The following SNX20 variants were observed in gnomAD, a reference collection of about 807,000 sequenced individuals.
SNX20 encodes sorting nexin-20.
SNX20 carries 21 observed loss-of-function variants against 24.5 expected under a neutral mutation model. That is an observed-to-expected ratio of 0.86 (90% CI 0.61 to 1.23). The LOEUF (loss-of-function observed/expected upper bound fraction) is 1.23, where lower values mean the gene tolerates loss of function less well. SNX20 is among the 50% of genes most tolerant of loss of function. SNX20 has a pLI of 0.00. For synonymous variants in SNX20, 206 were observed against 192.8 expected (o/e 1.07, Z -0.57); for missense variants, 433 against 430.8 (o/e 1.00, Z -0.04).
At chr16:50,678,743 A>T (rs888599327) in intron 1 of SNX20, among the ~76,000 whole-genome samples, 4 of 152,190 alleles carry the variant, frequency 2.6e-5, no homozygotes, top group African/African-American at 9.7e-5. Context: ...GGATAAGTGG[A>T]AGGGATGACC....
At chr16:50,667,747 C>T, downstream of SNX20, 1 of 503,886 alleles carries the variant, frequency 2.0e-6, no homozygotes, top group Admixed American at 3.5e-5. Flanking sequence ...ATGGGGACAG[C>T]CACTAGAGAG....
At chr16:50,668,090 A>C, downstream of SNX20, 1 of 1,551,618 alleles carries the variant, frequency 6.4e-7, no homozygotes, top group South Asian at 1.2e-5. Context: ...AACCAGGCCC[A>C]CGACTTAGGA....
downstream of SNX20, chr16:50,668,766 A>G: frequency 8.4e-7 from 1 of 1,191,786 alleles, no homozygotes; most frequent in African/African-American, 1.6e-5. Flanking sequence ...GTTGGGAGCC[A>G]ACCTACCCCT....
chr16:50,672,201 C>A lies in SNX20; in HGVS notation c.*1205G>T, dbSNP rs957859126. ...ATCAGAGAAGTTCCAGGATCACAGA[C>A]CCTCAAAAGGGGCAGTGTTGAGGAT... On this transcript the variant is annotated 3_prime_UTR_variant, in exon 4 of 4. Coordinates refer to ENST00000330943, the MANE Select transcript of SNX20 (RefSeq NM_182854.4). 1 of 152,220 alleles carries A rather than the reference C, an allele frequency of 6.6e-6. No homozygotes were observed. Among genetic ancestry groups the A allele is most frequent in the Non-Finnish European group, 1.5e-5 (1 of 68,048 alleles). The allele number at this position is 152,220 out of a possible 1,614,324, so 9.4% of individuals were successfully genotyped here. A position where few individuals can be genotyped will look rare whatever the true frequency, so the allele number is the denominator to read the frequency against.
chr16:50,671,302 A>AT (rs1462358787), downstream of SNX20: 1 of 151,908 alleles, frequency 6.6e-6, no homozygotes, highest in Non-Finnish European at 1.5e-5. Context: ...TGCTTGAGGG[A>AT]TTTTGGACCA....
intron 1 of SNX20, 139 bp from the exon 2 acceptor site, chr16:50,677,674 A>G: frequency 1.1e-6 from 1 of 932,938 alleles, no homozygotes; most frequent in South Asian, 2.6e-5. Flanking sequence ...AACCTTCCCC[A>G]CTCTCCCAGC....
chr16:50,674,029 T>C lies in SNX20; in HGVS notation c.328A>G (p.Lys110Glu), dbSNP rs750811506. Residue 110 changes from lysine (K) to glutamate (E), a missense_variant, in exon 4 of 4, where the codon AAG becomes GAG. Transcript: ENST00000330943. ...VIQTGSFDNN[K>E]AVLERRYSDF... ...GAATAGCGCCGTTCCAGGACGGCCT[T>C]GTTGTTGTCAAAGCTCCCAGTCTGG... The C allele has an allele frequency of 4.5e-5, 72 of 1,609,692 alleles. No individual in the cohort carries two copies. Among genetic ancestry groups the C allele is most frequent in the Non-Finnish European group, 6.0e-5 (71 of 1,178,090 alleles).
chr16:50,668,420 G>A, downstream of SNX20: 18 of 836,042 alleles, frequency 2.2e-5, no homozygotes, highest in Non-Finnish European at 2.8e-5. Flanking sequence ...AAGCGGGTTA[G>A]GGTGTAATAA....
chr16:50,674,106 C>A (rs1963127499), intron 3 of SNX20, 32 bp from the exon 4 acceptor site: 3 of 1,553,824 alleles, frequency 1.9e-6, no homozygotes, highest in African/African-American at 2.8e-5. Flanking sequence ...CTGTGGCCAC[C>A]TCCCGGCGGG....
In SNX20 at chr16:50,675,835, G is replaced by T. The variant is rs147935656; in HGVS notation, c.217C>A (p.His73Asn). Reference sequence around the variant, plus strand: ...GCGATCTCAAAGAGCAGTTTGACGTGCTTCCAGCGGCATTTCTGGTTCTGC... The same window carrying T: ...GCGATCTCAAAGAGCAGTTTGACGTTCTTCCAGCGGCATTTCTGGTTCTGC... ...YWQNQKCRWK[H>N]VKLLFEIASA... The change falls in exon 3 of 4, where the codon CAC becomes AAC. Residue 73 changes from histidine to asparagine, a missense_variant. Physicochemically the swap from His to Asn is moderately conservative, Grantham distance 68. Transcript: ENST00000330943. 1.2e-6 allele frequency: 2 copies of T among 1,613,528 alleles called. No individual in the cohort carries two copies. The highest frequency in any genetic ancestry group is 1.3e-5 in the African/African-American group (1 of 74,990).
downstream of SNX20, chr16:50,668,348 GTC>G (rs1334011129): frequency 1.7e-5 from 20 of 1,161,782 alleles, no homozygotes; most frequent in East Asian, 6.9e-5. Flanking sequence ...CTCTGTCTCT[GTC>G]TCTCTCTCTT....
chr16:50,676,750 C>T (rs1039523673), intron 2 of SNX20, among the ~76,000 whole-genome samples: 3 of 152,234 alleles, frequency 2.0e-5, no homozygotes, highest in African/African-American at 7.2e-5. Context: ...TGTTTCTCTA[C>T]CAAACCTCAG....
downstream of SNX20, chr16:50,669,229 G>C: frequency 1.4e-6 from 1 of 732,338 alleles, no homozygotes; most frequent in African/African-American, 1.7e-5. Flanking sequence ...CCTGAGGTTG[G>C]GTAGCTTATA....
rs1193253225 is a variant in SNX20 at position 50,673,728 on chromosome 16, CGCA to C, written c.626_628del (p.Leu209del). On this transcript the variant is annotated inframe_deletion, in exon 4 of 4. Transcript: ENST00000330943. The surrounding 1 kb of genome is among the most constrained non-coding windows in gnomAD (Gnocchi z 4.1). ...GAGCTTCTCCTGCAGCGGCAGCACG[CGCA>C]GCAGCAGCTCCAGGGCGCGCGGGTA... The C allele has an allele frequency of 6.7e-7, 1 of 1,501,104 alleles. No homozygotes were observed. The highest frequency in any genetic ancestry group is 8.8e-7 in the Non-Finnish European group (1 of 1,133,308). 93.0% of individuals were successfully genotyped at this position (1,501,104 alleles called of 1,614,324 possible).
chr16:50,673,858 G>C lies in SNX20; in HGVS notation c.499C>G (p.Leu167Val). ...CGCACGCAGCGGATGGCGTAGAGCAGGCCCAGGTACTCCTGCAGGGCGCGC... is the reference window on the plus strand; with the variant it reads ...CGCACGCAGCGGATGGCGTAGAGCACGCCCAGGTACTCCTGCAGGGCGCGC... ...RRRALQEYLGLLYAIRCVRRS... is the reference protein window; with the variant it reads ...RRRALQEYLGVLYAIRCVRRS... Residue 167 changes from leucine to valine, a missense_variant, in exon 4 of 4, where the codon CTG becomes GTG. Physicochemically the swap from Leu to Val is conservative, Grantham distance 32 (BLOSUM62 1). Coordinates refer to ENST00000330943, the MANE Select transcript of SNX20 (RefSeq NM_182854.4). This position sits in a 1 kb window ranked among gnomAD's most constrained non-coding sequence, Gnocchi z 4.1. 1 of 1,605,080 alleles carries C rather than the reference G, an allele frequency of 6.2e-7. No individual in the cohort carries two copies. Among genetic ancestry groups the C allele is most frequent in the Non-Finnish European group, 8.5e-7 (1 of 1,179,300 alleles).
chr16:50,677,044 A>G (rs138011927), intron 2 of SNX20, among the ~76,000 whole-genome samples: 8 of 152,304 alleles, frequency 5.3e-5, no homozygotes, highest in Non-Finnish European at 1.0e-4. Context: ...CTGGTAGATA[A>G]CAGCCCGGCT....
At chr16:50,667,491 T>C (rs2150757278), downstream of SNX20, 2 of 155,920 alleles carry the variant, frequency 1.3e-5, no homozygotes, top group South Asian at 3.8e-4. Flanking sequence ...TCCATTTGCT[T>C]TGGGAGTGGC....
In SNX20 at chr16:50,673,334, G is replaced by A; in HGVS notation, c.*72C>T. On this transcript the variant is annotated 3_prime_UTR_variant, in exon 4 of 4. Coordinates refer to ENST00000330943, the MANE Select transcript of SNX20 (RefSeq NM_182854.4). The surrounding 1 kb of genome is among the most constrained non-coding windows in gnomAD (Gnocchi z 4.1). ...AAAGAAAAGGAAAAATAAAAAAAAA[G>A]AACCCCAAACAGCCCACTGTGAGCC... 2 of 1,390,552 alleles carry A rather than the reference G, an allele frequency of 1.4e-6. No homozygotes were observed. The highest frequency in any genetic ancestry group is 2.7e-5 in the East Asian group (1 of 36,616). 86.1% of individuals were successfully genotyped at this position (1,390,552 alleles called of 1,614,324 possible).
chr16:50,668,519 A>T, downstream of SNX20: 1 of 993,384 alleles, frequency 1.0e-6, no homozygotes, highest in Non-Finnish European at 1.2e-6. Context: ...AGTAATAGGA[A>T]GTTTCTTTTT....
Sources: gnomAD v4.1 joint callset for allele counts (sites outside exome capture counted in the v4.1 genomes callset) on GRCh38, gnomAD v4.1.1 for gene constraint, Gnocchi (gnomAD v3.1) non-coding constraint, MANE v1.5 for transcripts, NCBI Gene and HGNC (gene_info 2026-07-23, HGNC 2026-07-21) for gene names.